The following GABRB2 variants were observed in gnomAD, a reference collection of about 807,000 sequenced individuals.
GABRB2 encodes the protein gamma-aminobutyric acid type A receptor subunit beta2, also known as gamma-aminobutyric acid receptor subunit beta-2.
In GABRB2, 16 loss-of-function variants were observed where a neutral mutation model predicts 54.7. The observed-to-expected ratio is 0.29, with a 90% CI of 0.20 to 0.44. GABRB2 has a LOEUF of 0.44. Among genes scored for constraint, GABRB2 ranks in the 20% least tolerant of loss-of-function variants. The probability of loss-of-function intolerance (pLI) is 1.00; values close to 1 mark genes in which losing one functional copy is unlikely to be tolerated. For synonymous variants in GABRB2, 244 were observed against 233.8 expected (o/e 1.04, Z -0.40); for missense variants, 355 against 644.0 (o/e 0.55, Z 4.86).
chr5:161,390,278 T>C lies in GABRB2; in HGVS notation c.541+20697A>G, dbSNP rs138654973. 4.1e-3 allele frequency among the ~76,000 whole-genome samples: 622 copies of C among 152,186 alleles called. 8 individuals are homozygous for C. The highest frequency in any genetic ancestry group is 0.014 in the African/African-American group (590 of 41,564). Reference sequence around the variant, plus strand: ...AATTAAATATTTGGGCAAACCAGTCTAATGATGAGAAAATACCAGACAGAA... The same window carrying C: ...AATTAAATATTTGGGCAAACCAGTCCAATGATGAGAAAATACCAGACAGAA... On this transcript the variant is annotated intron_variant, in intron 5 of 9. Transcript: ENST00000393959.
rs185652838 is a variant in GABRB2 at position 161,489,833 on chromosome 5, C to T, written c.238-29989G>A. Among the ~76,000 whole-genome samples, 104 of 151,822 alleles carry T rather than the reference C, an allele frequency of 6.9e-4. 1 individual carries two copies. Among genetic ancestry groups the T allele is most frequent in the Non-Finnish European group, 1.2e-4 (8 of 67,766 alleles). Reference sequence around the variant, plus strand: ...ATAGCTTTAGGCTTATTTTAGTCACCACTTGAATATAAGAATACAAGCTCC... The same window carrying T: ...ATAGCTTTAGGCTTATTTTAGTCACTACTTGAATATAAGAATACAAGCTCC... On this transcript the variant is annotated intron_variant, in intron 3 of 9. Transcript: ENST00000393959.
chr5:161,410,878 G>C, intron 5 of GABRB2, 97 bp downstream of exon 5: 2 of 854,682 alleles, frequency 2.3e-6, no homozygotes, highest in Middle Eastern at 6.1e-4. Context: ...CAGAACCTTT[G>C]CAGGGCCTGT....
rs542725689 is a variant in GABRB2 at position 161,471,984 on chromosome 5, A to G, written c.238-12140T>C. Among the ~76,000 whole-genome samples the G allele has an allele frequency of 4.6e-5, 7 of 151,924 alleles. 1 individual carries two copies. In the East Asian group the frequency reaches 5.8e-4, roughly 13 times the overall value. The stretch of plus-strand genomic sequence containing the variant: ...GCACTATAAGTTATATATTAGATTA[A>G]CCACTTAACTAGCTGCTGTGAGACC... On this transcript the variant is annotated intron_variant, in intron 3 of 9. Coordinates refer to ENST00000393959, the MANE Select transcript of GABRB2 (RefSeq NM_001371727.1).
chr5:161,506,956 G>C (rs1332511916), intron 3 of GABRB2, among the ~76,000 whole-genome samples: 3 of 152,086 alleles, frequency 2.0e-5, no homozygotes, highest in Non-Finnish European at 4.4e-5. Flanking sequence ...GGAGCCACAG[G>C]AGAACGTCTC....
chr5:161,490,358 T>G (rs957972212), intron 3 of GABRB2, among the ~76,000 whole-genome samples: 2 of 151,664 alleles, frequency 1.3e-5, no homozygotes, highest in African/African-American at 4.8e-5. Flanking sequence ...GGTTAGAGCC[T>G]GGTCAGAGCC....
rs762714655 is a variant in GABRB2 at position 161,532,472 on chromosome 5, C to G, written c.237+12755G>C. ...GAACGCCATCTCGGACCTACTGACT[C>G]GGATTCTGGTGTAGGCCCAGAAAAT... On this transcript the variant is annotated intron_variant, in intron 3 of 9. Transcript: ENST00000393959. 3.3e-5 allele frequency among the ~76,000 whole-genome samples: 5 copies of G among 152,196 alleles called. No homozygotes were observed. The East Asian group carries it at 9.7e-4, about 29-fold the overall frequency.
intron 3 of GABRB2, among the ~76,000 whole-genome samples, chr5:161,496,509 GA>G (rs1443212328): frequency 6.9e-6 from 1 of 144,988 alleles, no homozygotes; most frequent in African/African-American, 2.5e-5. Context: ...AGAGAAAAAA[GA>G]AAAAAGAATC....
intron 3 of GABRB2, among the ~76,000 whole-genome samples, chr5:161,480,095 C>T (rs1758716224): frequency 6.6e-6 from 1 of 151,994 alleles, no homozygotes; most frequent in South Asian, 2.1e-4. Flanking sequence ...CGTTTTGAGG[C>T]CATCAAATGT....
chr5:161,340,193 A>T (rs1349969763), intron 5 of GABRB2, among the ~76,000 whole-genome samples: 1 of 152,068 alleles, frequency 6.6e-6, no homozygotes, highest in Admixed American at 6.6e-5. Context: ...CAACCAGGTT[A>T]TATAAGAGAT....
intron 5 of GABRB2, among the ~76,000 whole-genome samples, chr5:161,343,343 C>A (rs2113420464): frequency 6.6e-6 from 1 of 152,054 alleles, no homozygotes; most frequent in South Asian, 2.1e-4. Flanking sequence ...CATGGTCCAG[C>A]ATTCATCCTT....
intron 5 of GABRB2, among the ~76,000 whole-genome samples, chr5:161,350,346 C>T (rs1486812806): frequency 1.3e-5 from 2 of 151,988 alleles, no homozygotes; most frequent in Non-Finnish European, 2.9e-5. Context: ...TCAATAAAGA[C>T]TCAAGAAATA....
intron 4 of GABRB2, among the ~76,000 whole-genome samples, chr5:161,433,894 T>C (rs896845827): frequency 6.6e-6 from 1 of 152,154 alleles, no homozygotes; most frequent in African/African-American, 2.4e-5. Context: ...CATCTGTCAA[T>C]CCTTTACAAA....
At chr5:161,470,060 T>C (rs1758394202) in intron 3 of GABRB2, among the ~76,000 whole-genome samples, 1 of 146,328 alleles carries the variant, frequency 6.8e-6, no homozygotes, top group Admixed American at 6.8e-5. Context: ...ACATCTTTTC[T>C]TTCCTTTCAT....
chr5:161,418,993 G>A (rs1174554061), intron 4 of GABRB2, among the ~76,000 whole-genome samples: 1 of 152,130 alleles, frequency 6.6e-6, no homozygotes, highest in Non-Finnish European at 1.5e-5. Context: ...TGGGCATGGT[G>A]GCATATGCCT....
chr5:161,503,000 T>C (rs1759495828), intron 3 of GABRB2, among the ~76,000 whole-genome samples: 1 of 152,170 alleles, frequency 6.6e-6, no homozygotes. Context: ...TTGCAGACAC[T>C]GGACTTCCAA....
intron 9 of GABRB2, among the ~76,000 whole-genome samples, chr5:161,314,652 T>C (rs755085598): frequency 1.3e-5 from 2 of 152,140 alleles, no homozygotes; most frequent in Non-Finnish European, 2.9e-5. Flanking sequence ...AAGCTGTTCA[T>C]GGAAAACAGT....
chr5:161,438,453 A>G (rs968935077), intron 4 of GABRB2, among the ~76,000 whole-genome samples: 7 of 152,134 alleles, frequency 4.6e-5, no homozygotes, highest in African/African-American at 1.7e-4. Context: ...GACACTGAAG[A>G]CCAGAATACA....
chr5:161,380,310 A>G, intron 5 of GABRB2, among the ~76,000 whole-genome samples: 1 of 152,166 alleles, frequency 6.6e-6, no homozygotes, highest in East Asian at 1.9e-4. Context: ...TTAATTTACT[A>G]CTGAGGGTGT....
At chr5:161,378,358 A>G (rs1304027877) in intron 5 of GABRB2, among the ~76,000 whole-genome samples, 4 of 152,108 alleles carry the variant, frequency 2.6e-5, no homozygotes, top group Non-Finnish European at 4.4e-5. Flanking sequence ...TGAAATATGA[A>G]CTTCTAGATG....
Sources: allele counts gnomAD v4.1 joint callset (sites outside exome capture counted in the v4.1 genomes callset), GRCh38; gene constraint gnomAD v4.1.1; transcripts MANE v1.5; gene names NCBI Gene and HGNC (gene_info 2026-07-23, HGNC 2026-07-21).